Variants in LARP1 observed in about 807,000 individuals in gnomAD.
LARP1 encodes la-related protein 1.
Under a neutral mutation model 122.7 loss-of-function variants are expected in LARP1, and 36 were observed. The ratio of observed to expected loss-of-function variants is 0.29; its 90% CI spans 0.22 to 0.39. The LOEUF (loss-of-function observed/expected upper bound fraction) is 0.39. Among genes scored for constraint, LARP1 ranks in the 10% least tolerant of loss-of-function variants. The pLI is 1.00. For synonymous variants in LARP1, 539 were observed against 528.7 expected, an observed-to-expected ratio of 1.02 and a Z score of -0.27; for missense variants, 1,040 against 1,403.6, an observed-to-expected ratio of 0.74 and a Z score of 4.14.
chr5:154,748,811 A>G (rs1275976266), intron 1 of LARP1, among the ~76,000 whole-genome samples: 1 of 152,216 alleles, frequency 6.6e-6, no homozygotes, highest in Non-Finnish European at 1.5e-5. Flanking sequence ...AAGTCACAAG[A>G]TAGTTGAGCC....
chr5:154,793,095 G>C (rs1757464295), intron 4 of LARP1, among the ~76,000 whole-genome samples: 1 of 152,184 alleles, frequency 6.6e-6, no homozygotes, highest in South Asian at 2.1e-4. Context: ...ACCAGGCCTG[G>C]TATGGCAACT....
chr5:154,701,671 G>A (rs1013758329), intron 1 of LARP1, among the ~76,000 whole-genome samples: 6 of 151,190 alleles, frequency 4.0e-5, no homozygotes, highest in African/African-American at 1.5e-4. Context: ...GCCTGGGCTG[G>A]AGTGCAGTGG....
At chr5:154,775,973 A>G (rs1755848492) in intron 1 of LARP1, among the ~76,000 whole-genome samples, 1 of 152,218 alleles carries the variant, frequency 6.6e-6, no homozygotes, top group Non-Finnish European at 1.5e-5. Flanking sequence ...CCTGAGGTAA[A>G]TGCCTAGTAA....
At chr5:154,693,566 C>T (rs1031224788) in intron 1 of LARP1, among the ~76,000 whole-genome samples, 2 of 152,058 alleles carry the variant, frequency 1.3e-5, no homozygotes, top group Admixed American at 1.3e-4. Context: ...GATGAAAGTT[C>T]TTTTCTCGAC....
chr5:154,737,683 A>G (rs780237283), intron 1 of LARP1, among the ~76,000 whole-genome samples: 3 of 151,920 alleles, frequency 2.0e-5, no homozygotes, highest in Non-Finnish European at 2.9e-5. Flanking sequence ...TTTGAAAGAC[A>G]GTGATTAGTT....
chr5:154,686,902 A>G (rs1305040053), intron 1 of LARP1, among the ~76,000 whole-genome samples: 1 of 152,226 alleles, frequency 6.6e-6, no homozygotes. Flanking sequence ...ACTTCAGAAG[A>G]AGGAACTTCA....
intron 3 of LARP1, among the ~76,000 whole-genome samples, chr5:154,791,400 CGAG>C (rs893051313): frequency 2.6e-4 from 40 of 152,006 alleles, no homozygotes; most frequent in Admixed American, 2.6e-3. Context: ...ATTTTAGAGA[CGAG>C]GTTTTACCAT....
intron 1 of LARP1, among the ~76,000 whole-genome samples, chr5:154,702,033 A>G (rs976829129): frequency 6.6e-6 from 1 of 152,254 alleles, no homozygotes; most frequent in African/African-American, 2.4e-5. Context: ...TGAGTGATGG[A>G]GACAGGGAGG....
At chr5:154,756,736 AT>A (rs1753955943) in intron 1 of LARP1, among the ~76,000 whole-genome samples, 1 of 152,050 alleles carries the variant, frequency 6.6e-6, no homozygotes, top group African/African-American at 2.4e-5. Flanking sequence ...GGGAGATGAA[AT>A]TGGGCTTTAG....
intron 1 of LARP1, among the ~76,000 whole-genome samples, chr5:154,730,197 A>AT (rs906264765): frequency 8.6e-5 from 13 of 150,898 alleles, no homozygotes; most frequent in South Asian, 2.1e-4. Context: ...TATTATTATT[A>AT]TTTTTTTTTG....
chr5:154,743,556 G>A (rs1050179853), intron 1 of LARP1, among the ~76,000 whole-genome samples: 11 of 151,842 alleles, frequency 7.2e-5, no homozygotes, highest in East Asian at 1.9e-4. Flanking sequence ...TGATCCACCC[G>A]CCTTGGCCTC....
rs377227411 is a variant in LARP1 at position 154,803,596 on chromosome 5, G to A, written c.2290G>A (p.Ala764Thr). 110 of 1,613,890 alleles carry A rather than the reference G, an allele frequency of 6.8e-5. No individual in the cohort carries two copies. Among genetic ancestry groups the A allele is most frequent in the Non-Finnish European group, 8.3e-5 (98 of 1,180,012 alleles). The change falls in exon 13 of 19, where the codon GCC (alanine) becomes ACC (threonine). Residue 764 changes from alanine to threonine, a missense_variant. Coordinates refer to ENST00000518297, the MANE Select transcript of LARP1 (RefSeq NM_033551.3). This position sits in a 1 kb window ranked among gnomAD's most constrained non-coding sequence, Gnocchi z 4.4. ...TGGTGCTCCTGAGCCCTCCACCATC[G>A]CCCGCTCTCTACCAACCACTGTCCC... The part of the protein sequence containing the change: ...LFGAPEPSTI[A>T]RSLPTTVPES...
intron 1 of LARP1, among the ~76,000 whole-genome samples, chr5:154,733,044 A>T (rs1756676447): frequency 6.6e-6 from 1 of 152,120 alleles, no homozygotes. Context: ...TCCCAGTCTC[A>T]GGGTCCCCAG....
At chr5:154,732,619 A>T (rs1478289522) in intron 1 of LARP1, among the ~76,000 whole-genome samples, 1 of 152,200 alleles carries the variant, frequency 6.6e-6, no homozygotes, top group Non-Finnish European at 1.5e-5. Flanking sequence ...GATCTTTTCC[A>T]GCCCTGTGTT....
chr5:154,710,490 TC>T, upstream of LARP1, among the ~76,000 whole-genome samples: 1 of 151,972 alleles, frequency 6.6e-6, no homozygotes, highest in East Asian at 1.9e-4. Context: ...ACACCTGTAA[TC>T]CCAGCACTTT....
intron 16 of LARP1, among the ~76,000 whole-genome samples, chr5:154,809,019 G>A (rs1000796712): frequency 2.0e-5 from 3 of 152,002 alleles, no homozygotes; most frequent in African/African-American, 4.8e-5. Flanking sequence ...ACTATATTTT[G>A]GAGATCATTC....
chr5:154,702,283 C>T (rs1307724916), intron 1 of LARP1, among the ~76,000 whole-genome samples: 3 of 152,260 alleles, frequency 2.0e-5, no homozygotes, highest in Non-Finnish European at 2.9e-5. Flanking sequence ...TGGCCAGGTG[C>T]GGTGGCTCAT....
At chr5:154,804,754 C>T (rs1260855402) in intron 14 of LARP1, 2 of 456,280 alleles carry the variant, frequency 4.4e-6, no homozygotes, top group South Asian at 1.5e-5. Context: ...AGGGCCCACA[C>T]TCTTTTTTAT....
intron 1 of LARP1, among the ~76,000 whole-genome samples, chr5:154,729,897 C>T (rs1365462914): frequency 2.0e-5 from 3 of 152,170 alleles, no homozygotes; most frequent in Non-Finnish European, 4.4e-5. Context: ...AATCAATAAC[C>T]AGGACAGGCC....
Sources: gnomAD v4.1 joint callset for allele counts (sites outside exome capture counted in the v4.1 genomes callset) on GRCh38, gnomAD v4.1.1 for gene constraint, Gnocchi (gnomAD v3.1) non-coding constraint, MANE v1.5 for transcripts, NCBI Gene and HGNC (gene_info 2026-07-23, HGNC 2026-07-21) for gene names.